VEGFC: variants seen among roughly 807,000 people sequenced by gnomAD.
VEGFC encodes the protein FLT4 ligand DHM.
VEGFC carries 12 observed loss-of-function variants against 46.1 expected under a neutral mutation model. The observed-to-expected ratio is 0.26, with a 90% CI of 0.17 to 0.42. The LOEUF (loss-of-function observed/expected upper bound fraction) is 0.42, where lower values mean the gene tolerates loss of function less well. Among genes scored for constraint, VEGFC ranks in the 10% least tolerant of loss-of-function variants. VEGFC has a pLI of 1.00. For synonymous variants in VEGFC, 232 were observed against 195.5 expected, an observed-to-expected ratio of 1.19 and a Z score of -1.56; for missense variants, 488 against 529.4, an observed-to-expected ratio of 0.92 and a Z score of 0.77.
At chr4:176,787,188 G>A (rs1056735756) in intron 1 of VEGFC, among the ~76,000 whole-genome samples, 4 of 152,068 alleles carry the variant, frequency 2.6e-5, no homozygotes, top group African/African-American at 9.7e-5. Context: ...GGGGCCGGGC[G>A]CAGTGGCTCA....
intron 1 of VEGFC, among the ~76,000 whole-genome samples, chr4:176,771,215 A>T (rs1027365877): frequency 2.0e-5 from 3 of 152,212 alleles, no homozygotes; most frequent in African/African-American, 7.2e-5. Flanking sequence ...AAAACATTAA[A>T]GAAAATACTA....
At chr4:176,767,865 C>T (rs1250007706) in intron 1 of VEGFC, among the ~76,000 whole-genome samples, 1 of 152,104 alleles carries the variant, frequency 6.6e-6, no homozygotes, top group African/African-American at 2.4e-5. Flanking sequence ...GACTGGTAAA[C>T]AGAACGCTGC....
chr4:176,694,013 C>T (rs1369029149), intron 4 of VEGFC, among the ~76,000 whole-genome samples: 10 of 150,862 alleles, frequency 6.6e-5, no homozygotes, highest in South Asian at 2.1e-4. Context: ...TGGTACCAGC[C>T]GCTGCAAAAT....
At chr4:176,693,376 A>G (rs2066273873) in intron 4 of VEGFC, among the ~76,000 whole-genome samples, 1 of 136,580 alleles carries the variant, frequency 7.3e-6, no homozygotes, top group Admixed American at 7.1e-5. Flanking sequence ...AAAGAGTATC[A>G]GCAATGGAAG....
At chr4:176,692,661 A>C (rs1000064987) in intron 4 of VEGFC, among the ~76,000 whole-genome samples, 4 of 147,286 alleles carry the variant, frequency 2.7e-5, no homozygotes, top group African/African-American at 1.1e-4. Flanking sequence ...TGTAGGCTCC[A>C]CCTCTGGGGG....
intron 1 of VEGFC, among the ~76,000 whole-genome samples, chr4:176,790,924 G>T (rs930684998): frequency 6.6e-6 from 1 of 152,116 alleles, no homozygotes; most frequent in African/African-American, 2.4e-5. Flanking sequence ...TCTATTTCAT[G>T]TATATTGTTT....
intron 4 of VEGFC, among the ~76,000 whole-genome samples, chr4:176,696,521 G>A (rs1314692839): frequency 6.7e-6 from 1 of 149,122 alleles, no homozygotes; most frequent in Non-Finnish European, 1.5e-5. Context: ...CATGCTCATG[G>A]GTAGGAAGAA....
At chr4:176,739,742 C>T (rs1345873956) in intron 1 of VEGFC, among the ~76,000 whole-genome samples, 2 of 151,314 alleles carry the variant, frequency 1.3e-5, no homozygotes, top group Non-Finnish European at 2.9e-5. Flanking sequence ...ACATGAACCC[C>T]TGAACTTAAA....
At chr4:176,709,387 C>G (rs1323087269) in intron 4 of VEGFC, among the ~76,000 whole-genome samples, 6 of 152,188 alleles carry the variant, frequency 3.9e-5, no homozygotes, top group Non-Finnish European at 8.8e-5. Flanking sequence ...ACTGGAAACA[C>G]TCTCATAATC....
chr4:176,696,762 G>A (rs890710159), intron 4 of VEGFC, among the ~76,000 whole-genome samples: 4 of 152,150 alleles, frequency 2.6e-5, no homozygotes, highest in Non-Finnish European at 5.9e-5. Flanking sequence ...AACCAAAACA[G>A]CATGGTACTG....
intron 1 of VEGFC, among the ~76,000 whole-genome samples, chr4:176,738,301 ATAC>A (rs1467999430): frequency 6.6e-6 from 1 of 152,080 alleles, no homozygotes; most frequent in Non-Finnish European, 1.5e-5. Context: ...ATTTCAAACT[ATAC>A]TACAAGTCAA....
chr4:176,709,145 T>A lies in VEGFC; in HGVS notation c.704+2354A>T, dbSNP rs569425373. ...AACATGGCAAATGCTATAAAATACATCCAGGAAATGAGTCATTTTATTTAA... is the reference window on the plus strand; with the variant it reads ...AACATGGCAAATGCTATAAAATACAACCAGGAAATGAGTCATTTTATTTAA... On this transcript the variant is annotated intron_variant, in intron 4 of 6. Transcript: ENST00000618562. Among the ~76,000 whole-genome samples the A allele has an allele frequency of 2.6e-5, 4 of 152,232 alleles. No homozygotes were observed. In the South Asian group the frequency reaches 8.3e-4, roughly 32 times the overall value.
intron 1 of VEGFC, among the ~76,000 whole-genome samples, chr4:176,768,778 G>T (rs1317962987): frequency 1.3e-5 from 2 of 151,836 alleles, no homozygotes. Flanking sequence ...AGAGCCTACT[G>T]AAAGTATTCA....
chr4:176,764,766 T>G (rs1465217671), intron 1 of VEGFC, among the ~76,000 whole-genome samples: 5 of 152,208 alleles, frequency 3.3e-5, no homozygotes. Flanking sequence ...TACCAGAGGA[T>G]ACACTGAATC....
At chr4:176,773,027 C>T (rs1377641508) in intron 1 of VEGFC, among the ~76,000 whole-genome samples, 4 of 152,136 alleles carry the variant, frequency 2.6e-5, no homozygotes, top group Admixed American at 6.5e-5. Flanking sequence ...TTTTCTTTAT[C>T]GGCTTCTCTT....
rs1224894635 is a variant in VEGFC, at chr4:176,687,521, C to G, written c.812-1G>C. The stretch of plus-strand genomic sequence containing the variant: ...ATGTCATGGAATCCATCTGTTGAGT[C>G]TAGACAAATAGTCAGAGAATCTTTA... On this transcript the variant is annotated splice_acceptor_variant, in intron 5 of 6. Transcript: ENST00000618562. LOFTEE classifies it high-confidence loss of function. The G allele has an allele frequency of 1.3e-6, 2 of 1,581,398 alleles. No individual in the cohort carries two copies. Among genetic ancestry groups the G allele is most frequent in the Non-Finnish European group, 1.7e-6 (2 of 1,165,078 alleles).
chr4:176,740,377 GTTATATATAACTATATAT>G (rs1560951758), intron 1 of VEGFC, among the ~76,000 whole-genome samples: 3 of 113,034 alleles, frequency 2.7e-5, no homozygotes, highest in Non-Finnish European at 5.1e-5. Flanking sequence ...TCTATATATA[GTTATATATAACTATATAT>G]TTATATATAG....
chr4:176,690,780 C>T (rs574732168), intron 4 of VEGFC, among the ~76,000 whole-genome samples: 2 of 152,232 alleles, frequency 1.3e-5, no homozygotes, highest in South Asian at 2.1e-4. Flanking sequence ...TTGGTTATGT[C>T]GCTTCTGTGT....
intron 1 of VEGFC, among the ~76,000 whole-genome samples, chr4:176,740,537 T>C (rs1261230656): frequency 3.5e-5 from 5 of 143,588 alleles, no homozygotes; most frequent in Non-Finnish European, 6.0e-5. Flanking sequence ...TATAACTATA[T>C]ATAGAACATA....
Sources: allele counts gnomAD v4.1 joint callset (sites outside exome capture counted in the v4.1 genomes callset), GRCh38; gene constraint gnomAD v4.1.1; transcripts MANE v1.5; gene names NCBI Gene and HGNC (gene_info 2026-07-23, HGNC 2026-07-21).